The following SVIL variants were observed in gnomAD, a reference collection of about 807,000 sequenced individuals.
SVIL encodes the protein archvillin.
SVIL carries 101 observed loss-of-function variants against 240.4 expected under a neutral mutation model. The ratio of observed to expected loss-of-function variants is 0.42; its 90% CI spans 0.36 to 0.50. The LOEUF (loss-of-function observed/expected upper bound fraction) is 0.50, where lower values mean the gene tolerates loss of function less well. Ranked by LOEUF, SVIL falls within the 20% of genes least tolerant of loss-of-function variation. The pLI is 0.01. For synonymous variants in SVIL, 999 were observed against 1,100.0 expected, an observed-to-expected ratio of 0.91 and a Z score of 1.82; for missense variants, 2,512 against 2,818.7, an observed-to-expected ratio of 0.89 and a Z score of 2.46.
intron 1 of SVIL, among the ~76,000 whole-genome samples, chr10:29,629,075 G>A (rs1564717537): frequency 6.6e-6 from 1 of 152,158 alleles, no homozygotes; most frequent in Non-Finnish European, 1.5e-5. Flanking sequence ...TCAGTGCTGA[G>A]GAGTGAGTGG....
chr10:29,632,887 T>C (rs996325592), intron 1 of SVIL, among the ~76,000 whole-genome samples: 2 of 152,212 alleles, frequency 1.3e-5, no homozygotes, highest in African/African-American at 4.8e-5. Context: ...AAAGTTTCCA[T>C]TGTAAGACAA....
Position 29,716,984 on chromosome 10 carries a change from A to T in SVIL, c.-400+18767T>A, listed in dbSNP as rs575165448. Reference sequence around the variant, plus strand: ...CGTGGCTCACGCCTGTAATCCCAGCACTTTGGGAGGCCAAGGCGGGTGGAT... The same window carrying T: ...CGTGGCTCACGCCTGTAATCCCAGCTCTTTGGGAGGCCAAGGCGGGTGGAT... On this transcript the variant is annotated intron_variant, in intron 1 of 35. Coordinates refer to the SVIL transcript ENST00000375400. Among the ~76,000 whole-genome samples, 4 of 152,348 alleles carry T rather than the reference A, an allele frequency of 2.6e-5. No homozygotes were observed. In the East Asian group the frequency reaches 7.7e-4, roughly 29 times the overall value.
upstream of SVIL, among the ~76,000 whole-genome samples, chr10:29,639,571 C>A (rs977730034): frequency 1.3e-5 from 2 of 150,542 alleles, no homozygotes; most frequent in East Asian, 2.0e-4. Context: ...CAAGTTCAAG[C>A]GATTCTCCTA....
chr10:29,676,377 A>AGTGTGTGTGT (rs112042524), intron 2 of SVIL, among the ~76,000 whole-genome samples: 37 of 151,344 alleles, frequency 2.4e-4, no homozygotes, highest in African/African-American at 9.0e-4. Flanking sequence ...GAAAAAAAAG[A>AGTGTGTGTGT]GTGTGTGTGT....
At chr10:29,481,561 T>C in intron 28 of SVIL, 23 bp downstream of exon 28, 1 of 1,612,606 alleles carries the variant, frequency 6.2e-7, no homozygotes, top group South Asian at 1.1e-5. Flanking sequence ...GCCCCGAGTT[T>C]TGAGGCTTGG....
intron 3 of SVIL, among the ~76,000 whole-genome samples, chr10:29,650,094 A>T (rs12259359): frequency 6.6e-6 from 1 of 152,116 alleles, no homozygotes; most frequent in African/African-American, 2.4e-5. Context: ...TATTGTTTCT[A>T]AACTACCCAG....
chr10:29,630,151 G>C (rs528441880), intron 1 of SVIL, among the ~76,000 whole-genome samples: 50 of 152,074 alleles, frequency 3.3e-4, no homozygotes, highest in Admixed American at 2.2e-3. Context: ...CTGCCAATGA[G>C]AGGGAATACG....
intron 1 of SVIL, among the ~76,000 whole-genome samples, chr10:29,708,646 T>C (rs113474350): frequency 4.1e-4 from 63 of 152,158 alleles, no homozygotes; most frequent in African/African-American, 1.5e-3. Context: ...AACAAAAGAT[T>C]TTGACATTTC....
At chr10:29,465,354 C>T (rs190804192) in intron 34 of SVIL, among the ~76,000 whole-genome samples, 2 of 152,238 alleles carry the variant, frequency 1.3e-5, no homozygotes, top group East Asian at 3.9e-4. Flanking sequence ...TCTTAGCTGA[C>T]GTCTTTGGGT....
intron 1 of SVIL, among the ~76,000 whole-genome samples, chr10:29,695,304 A>T (rs1164855313): frequency 1.3e-5 from 2 of 152,170 alleles, no homozygotes; most frequent in African/African-American, 4.8e-5. Context: ...TGAGGGATGA[A>T]AAAGTACTTA....
intron 1 of SVIL, among the ~76,000 whole-genome samples, chr10:29,591,333 C>T (rs1178524178): frequency 1.3e-5 from 2 of 152,166 alleles, no homozygotes; most frequent in Non-Finnish European, 2.9e-5. Flanking sequence ...TCAAGAAGAA[C>T]CTGTTGAGTA....
At chr10:29,470,199 C>G (rs1468481938) in intron 32 of SVIL, 77 bp downstream of exon 32, 1 of 1,543,914 alleles carries the variant, frequency 6.5e-7, no homozygotes. Flanking sequence ...TGCTGGGAGT[C>G]TTGGTACCCC....
chr10:29,521,494 T>C (rs1422712610), intron 16 of SVIL, among the ~76,000 whole-genome samples: 1 of 152,202 alleles, frequency 6.6e-6, no homozygotes, highest in Non-Finnish European at 1.5e-5. Flanking sequence ...CATGTTTTTT[T>C]CCTACTGAAT....
intron 1 of SVIL, among the ~76,000 whole-genome samples, chr10:29,595,187 C>G (rs781446724): frequency 6.6e-6 from 1 of 152,040 alleles, no homozygotes; most frequent in Non-Finnish European, 1.5e-5. Flanking sequence ...AAGGAAGCCC[C>G]AGGAAGCTGG....
Position 29,628,608 on chromosome 10 carries a change from G to A in SVIL, c.-201+5812C>T, listed in dbSNP as rs148643168. Among the ~76,000 whole-genome samples, 501 of 152,228 alleles carry A rather than the reference G, an allele frequency of 3.3e-3. 5 individuals carry two copies. Among genetic ancestry groups the A allele is most frequent in the African/African-American group, 0.012 (480 of 41,538 alleles). ...GTGCATTATTAATAAAAAGCCCTTT[G>A]GGTCTTCGCCCAGAACCGAATTGTT... is the stretch of plus-strand genomic sequence containing the variant. On this transcript the variant is annotated intron_variant, in intron 1 of 37. Coordinates refer to ENST00000355867, the MANE Select transcript of SVIL (RefSeq NM_021738.3).
chr10:29,590,165 C>CAAAAAAAA (rs58469441), intron 1 of SVIL, among the ~76,000 whole-genome samples: 2 of 79,668 alleles, frequency 2.5e-5, no homozygotes. Flanking sequence ...GACTCCGTCT[C>CAAAAAAAA]AAAAAAAAAA....
In SVIL at chr10:29,532,822, C is replaced by T. The variant is rs1222210280; in HGVS notation, c.1545G>A (p.Met515Ile). 1.2e-6 allele frequency: 2 copies of T among 1,613,988 alleles called. No homozygotes were observed. The highest frequency in any genetic ancestry group is 1.3e-5 in the African/African-American group (1 of 74,900). Residue 515 changes from methionine to isoleucine, a missense_variant, in exon 8 of 38, where the codon ATG becomes ATA. By Grantham distance (10) the Met-to-Ile change is conservative (BLOSUM62 1). Around this residue, in one of 3 missense-constraint regions of SVIL, gnomAD observed 1,443 missense variants for 1,486.6 expected, o/e 0.97. Transcript: ENST00000355867. Reference sequence around the variant, plus strand: ...CAGGCTCACTTTGAATGTAGAGAACCATCTCGCTCCTGCCTGTCCTCTCAG... The same window carrying T: ...CAGGCTCACTTTGAATGTAGAGAACTATCTCGCTCCTGCCTGTCCTCTCAG... ...QPTERTGRSE[M>I]VLYIQSEPVS...
chr10:29,592,544 C>A (rs1956430478), intron 1 of SVIL, among the ~76,000 whole-genome samples: 3 of 152,150 alleles, frequency 2.0e-5, no homozygotes, highest in Admixed American at 2.0e-4. Context: ...AACAGTGAGA[C>A]CTCCGTAATG....
intron 3 of SVIL, among the ~76,000 whole-genome samples, chr10:29,652,042 G>T (rs370719546): frequency 4.0e-5 from 6 of 150,294 alleles, no homozygotes; most frequent in African/African-American, 1.5e-4. Flanking sequence ...CACACACCAG[G>T]CTTACTGATA....
Sources: allele counts gnomAD v4.1 joint callset (sites outside exome capture counted in the v4.1 genomes callset), GRCh38; gene constraint gnomAD v4.1.1; regional missense constraint gnomAD v4.1.1; transcripts MANE v1.5; gene names NCBI Gene and HGNC (gene_info 2026-07-23, HGNC 2026-07-21).